NOX5: variants seen among roughly 807,000 people sequenced by gnomAD.
NOX5 encodes the protein NADPH oxidase, EF-hand calcium binding domain 5.
A neutral mutation model predicts 85.7 loss-of-function variants in NOX5; 76 were observed. The ratio of observed to expected loss-of-function variants is 0.89; its 90% CI spans 0.74 to 1.07. NOX5 has a LOEUF of 1.07. Among genes scored for constraint, NOX5 ranks in the 50% least tolerant of loss-of-function variants. NOX5 has a pLI of 0.00. For synonymous variants in NOX5, 405 were observed against 401.4 expected, an observed-to-expected ratio of 1.01 and a Z score of -0.11; for missense variants, 973 against 999.5, an observed-to-expected ratio of 0.97 and a Z score of 0.36.
chr15:69,029,681 C>CT (rs200435234), intron 3 of NOX5: 5,528 of 142,710 alleles, frequency 0.039, 174 homozygotes, highest in African/African-American at 0.085. Flanking sequence ...TAATTTTCTG[C>CT]TTTTTTTTTT....
At chr15:69,015,231 C>T (rs1291177750) in intron 1 of NOX5, among the ~76,000 whole-genome samples, 3 of 152,206 alleles carry the variant, frequency 2.0e-5, no homozygotes, top group Non-Finnish European at 1.5e-5. Flanking sequence ...TGAAGATTCC[C>T]GCTCCTTCCT....
At chr15:69,053,164 G>A (rs771519052) in intron 14 of NOX5, among the ~76,000 whole-genome samples, 3 of 152,160 alleles carry the variant, frequency 2.0e-5, no homozygotes, top group Non-Finnish European at 4.4e-5. Flanking sequence ...CATTGCTATA[G>A]CTTAAGCGTC....
At chr15:69,020,350 G>T (rs1337460959) in intron 1 of NOX5, among the ~76,000 whole-genome samples, 3 of 151,970 alleles carry the variant, frequency 2.0e-5, no homozygotes, top group Admixed American at 1.3e-4. Flanking sequence ...TCCCTATCTT[G>T]TGCCCCTACT....
intron 6 of NOX5, 86 bp downstream of exon 6, chr15:69,035,593 G>C (rs2050504646): frequency 6.4e-7 from 1 of 1,564,090 alleles, no homozygotes; most frequent in Non-Finnish European, 8.7e-7. Context: ...TGTGTGTACT[G>C]CCTGCCCAAA....
At chr15:69,026,843 A>T (rs77537047) in intron 2 of NOX5, among the ~76,000 whole-genome samples, 192 bp downstream of exon 2, 1 of 152,200 alleles carries the variant, frequency 6.6e-6, no homozygotes, top group Admixed American at 6.5e-5. Context: ...TCTTCAACAC[A>T]TGAAGTTGGA....
intron 14 of NOX5, among the ~76,000 whole-genome samples, chr15:69,051,187 CCT>C (rs66793077): frequency 0.05 from 7,389 of 147,122 alleles, 444 homozygotes; most frequent in East Asian, 0.19. Flanking sequence ...GTTTCTGTCT[CCT>C]CTCCTCTCCT....
At chr15:69,055,274 T>C (rs1468300553) in intron 14 of NOX5, 60 bp from the exon 15 acceptor site, 1 of 1,561,106 alleles carries the variant, frequency 6.4e-7, no homozygotes, top group Non-Finnish European at 8.7e-7. Context: ...GTTGGCATCC[T>C]GCCCTGCGCC....
At chr15:69,035,692 C>A in intron 6 of NOX5, 66 bp from the exon 7 acceptor site, 1 of 1,584,346 alleles carries the variant, frequency 6.3e-7, no homozygotes, top group South Asian at 1.2e-5. Flanking sequence ...GTGGGGATCC[C>A]AATGGGAAGG....
In NOX5 at chr15:69,060,843, CCAGA is replaced by C. The variant is rs1245238410; in HGVS notation, c.*4151_*4154del. 2.0e-5 allele frequency: 3 copies of C among 152,258 alleles called. No individual in the cohort carries two copies. The East Asian group carries it at 5.8e-4, about 29-fold the overall frequency. 9.4% of individuals were successfully genotyped at this position (152,258 alleles called of 1,614,324 possible). ...AAGCCAGCCTTAATCTGTCTTGGGCCCAGACAGCCCTTATCTGTTGGGGGCCCAG... is the reference window on the plus strand; with the variant it reads ...AAGCCAGCCTTAATCTGTCTTGGGCCCAGCCCTTATCTGTTGGGGGCCCAG... On this transcript the variant is annotated 3_prime_UTR_variant, in exon 16 of 16. Coordinates refer to ENST00000388866, the MANE Select transcript of NOX5 (RefSeq NM_024505.4).
chr15:69,051,888 A>G (rs1192737850), intron 14 of NOX5, among the ~76,000 whole-genome samples: 2 of 151,732 alleles, frequency 1.3e-5, no homozygotes, highest in African/African-American at 2.4e-5. Flanking sequence ...ACATGAAGTC[A>G]TTAACTGTTT....
In NOX5 at chr15:69,033,270, T is replaced by A; in HGVS notation, c.848T>A (p.Phe283Tyr). 1 of 1,594,326 alleles carries A rather than the reference T, an allele frequency of 6.3e-7. No homozygotes were observed. The highest frequency in any genetic ancestry group is 8.5e-7 in the Non-Finnish European group (1 of 1,178,302). Reference protein sequence around the residue: ...CGQCLNFDCSFIAVLMLRRCL... With the variant: ...CGQCLNFDCSYIAVLMLRRCL... ...CAGTGCCTCAACTTCGACTGCAGCT[T>A]CATCGCGGTAGGCTCTGCCAGCACA... Residue 283 changes from phenylalanine to tyrosine, a missense_variant, in exon 5 of 16, where the codon TTC becomes TAC. By Grantham distance (22) the Phe-to-Tyr change is conservative (BLOSUM62 3). Transcript: ENST00000388866.
intron 3 of NOX5, chr15:69,029,714 C>T (rs62010830): frequency 6.6e-6 from 1 of 150,768 alleles, no homozygotes; most frequent in African/African-American, 2.4e-5. Flanking sequence ...GAGTCTCACT[C>T]TGTTGCCCAG....
intron 8 of NOX5, chr15:69,038,272 C>G (rs2050547743): frequency 6.1e-6 from 1 of 163,208 alleles, no homozygotes; most frequent in Admixed American, 6.4e-5. Flanking sequence ...TGTCTAGGCT[C>G]TGGCATCCAA....
At chr15:69,048,890 G>A in intron 13 of NOX5, 69 bp from the exon 14 acceptor site, 1 of 1,153,580 alleles carries the variant, frequency 8.7e-7, no homozygotes, top group Non-Finnish European at 1.3e-6. Context: ...GGGTCCCAGG[G>A]ATTACAGATG....
rs571496052 is a variant in NOX5 at position 69,038,895 on chromosome 15, C to G, written c.1410C>G (p.His470Gln). Residue 470 changes from histidine (H) to glutamine (Q), a missense_variant, in exon 9 of 16, where the codon CAC becomes CAG. Coordinates refer to ENST00000388866, the MANE Select transcript of NOX5 (RefSeq NM_024505.4). ...HLLIKRPPFF[H>Q]YRPGDYLYLN... The stretch of plus-strand genomic sequence containing the variant: ...TCATCAAGCGGCCCCCTTTTTTTCA[C>G]TATAGACCTGGTGACTACTTGTATC... 126 of 1,614,150 alleles carry G rather than the reference C, an allele frequency of 7.8e-5. No homozygotes were observed. The highest frequency in any genetic ancestry group is 1.0e-4 in the Admixed American group (6 of 60,030).
chr15:69,033,077 C>T lies in NOX5; in HGVS notation c.655C>T (p.Pro219Ser). ...CTGGCTGACGGCCCCCGCCCCCCGCCCACGCCCGCGCCGGCCGCGCCAGCT... is the reference window on the plus strand; with the variant it reads ...CTGGCTGACGGCCCCCGCCCCCCGCTCACGCCCGCGCCGGCCGCGCCAGCT... ...AHWLTAPAPR[P>S]RPRRPRQLTR... Residue 219 changes from proline to serine, a missense_variant, in exon 5 of 16, where the codon CCA becomes TCA. Physicochemically the swap from Pro to Ser is moderately conservative, Grantham distance 74. Coordinates refer to ENST00000388866, the MANE Select transcript of NOX5 (RefSeq NM_024505.4). 6.4e-7 allele frequency: 1 copy of T among 1,562,284 alleles called. No homozygotes were observed. Among genetic ancestry groups the T allele is most frequent in the Non-Finnish European group, 8.6e-7 (1 of 1,165,034 alleles).
chr15:69,019,963 T>G (rs1269922979), intron 1 of NOX5, among the ~76,000 whole-genome samples: 3 of 152,240 alleles, frequency 2.0e-5, no homozygotes, highest in Admixed American at 6.5e-5. Context: ...TCCCCAGGCA[T>G]GAGAAGTGAA....
chr15:69,020,350 G>A (rs1337460959), intron 1 of NOX5, among the ~76,000 whole-genome samples: 1 of 152,088 alleles, frequency 6.6e-6, no homozygotes, highest in Non-Finnish European at 1.5e-5. Flanking sequence ...TCCCTATCTT[G>A]TGCCCCTACT....
rs1314238784 is a variant in NOX5, at chr15:69,031,660, G to A, written c.468G>A (p.Glu156=). The change falls in exon 4 of 16, where the codon GAG becomes GAA. Residue 156 remains glutamate (E), a synonymous_variant. Coordinates refer to ENST00000388866, the MANE Select transcript of NOX5 (RefSeq NM_024505.4). Reference sequence around the variant, plus strand: ...CTGTGCTGCAGTCGTGTCTGCGCGAGAGCGCCATCTCGCTGCCTGACGAGA... The same window carrying A: ...CTGTGCTGCAGTCGTGTCTGCGCGAAAGCGCCATCTCGCTGCCTGACGAGA... ...LRTVLQSCLR[E]SAISLPDEKL... 6.2e-7 allele frequency: 1 copy of A among 1,613,356 alleles called. No individual in the cohort carries two copies. The highest frequency in any genetic ancestry group is 2.2e-5 in the East Asian group (1 of 44,882).
Sources: allele counts gnomAD v4.1 joint callset (sites outside exome capture counted in the v4.1 genomes callset), GRCh38; gene constraint gnomAD v4.1.1; transcripts MANE v1.5; gene names NCBI Gene and HGNC (gene_info 2026-07-23, HGNC 2026-07-21).